STX8: variants seen among roughly 807,000 people sequenced by gnomAD.
STX8 encodes syntaxin-8.
STX8 carries 23 observed loss-of-function variants against 37.5 expected under a neutral mutation model. That is an observed-to-expected ratio of 0.61 (90% CI 0.44 to 0.87). The LOEUF (loss-of-function observed/expected upper bound fraction) is 0.87. STX8 is among the 40% of genes least tolerant of loss of function. The pLI is 0.00. For missense variants in STX8, 313 were observed against 284.7 expected (o/e 1.10, Z -0.71); for synonymous variants, 115 against 99.1 (o/e 1.16, Z -0.95).
chr17:9,527,068 A>ACTC (rs553265561), intron 4 of STX8, among the ~76,000 whole-genome samples: 216 of 146,106 alleles, frequency 1.5e-3, no homozygotes, highest in Admixed American at 2.7e-3. Flanking sequence ...AGTCCCAGCT[A>ACTC]CTCGGGAGGC....
At chr17:9,559,384 TCAA>T (rs1478430910) in intron 2 of STX8, among the ~76,000 whole-genome samples, 1 of 151,974 alleles carries the variant, frequency 6.6e-6, no homozygotes, top group Non-Finnish European at 1.5e-5. Flanking sequence ...CCATATACTA[TCAA>T]CAAGTAGAAA....
chr17:9,365,284 T>C (rs1375401397), intron 7 of STX8, among the ~76,000 whole-genome samples: 2 of 152,252 alleles, frequency 1.3e-5, no homozygotes, highest in Non-Finnish European at 2.9e-5. Flanking sequence ...CAGCTTGCAT[T>C]CCCACTTAGT....
chr17:9,311,231 C>T (rs1294463176), intron 7 of STX8, among the ~76,000 whole-genome samples: 7 of 139,714 alleles, frequency 5.0e-5, no homozygotes, highest in East Asian at 2.0e-4. Flanking sequence ...AGCAAGACTC[C>T]GTCTCAAAAA....
At chr17:9,278,941 G>C (rs2142149212) in intron 7 of STX8, among the ~76,000 whole-genome samples, 1 of 152,230 alleles carries the variant, frequency 6.6e-6, no homozygotes, top group South Asian at 2.1e-4. Flanking sequence ...CATTTACAGA[G>C]AGTCTATTGC....
intron 7 of STX8, among the ~76,000 whole-genome samples, chr17:9,347,889 T>C (rs1220963371): frequency 6.6e-6 from 1 of 152,238 alleles, no homozygotes; most frequent in African/African-American, 2.4e-5. Flanking sequence ...AATCATATAA[T>C]ATATAGCTTT....
intron 3 of STX8, among the ~76,000 whole-genome samples, chr17:9,549,807 G>A (rs1167552640): frequency 1.3e-5 from 2 of 152,198 alleles, no homozygotes; most frequent in African/African-American, 2.4e-5. Flanking sequence ...TTATTAGTAA[G>A]AGGTCAAAGG....
intron 6 of STX8, among the ~76,000 whole-genome samples, chr17:9,431,237 C>G (rs1597668047): frequency 1.3e-5 from 1 of 78,462 alleles, no homozygotes; most frequent in Non-Finnish European, 3.0e-5. Context: ...TTTTATTTTT[C>G]TGTTTTTTTT....
chr17:9,542,378 CAACAACAAAAAA>C (rs1906311641), intron 4 of STX8, among the ~76,000 whole-genome samples: 1 of 146,706 alleles, frequency 6.8e-6, no homozygotes, highest in East Asian at 2.1e-4. Context: ...CAAACAAAAA[CAACAACAAAAAA>C]ACAAGGGCCG....
intron 3 of STX8, among the ~76,000 whole-genome samples, chr17:9,556,630 T>C (rs1344288978): frequency 6.6e-6 from 1 of 151,216 alleles, no homozygotes; most frequent in Non-Finnish European, 1.5e-5. Flanking sequence ...TCAGTAGAGA[T>C]GGGGTTTCAC....
At chr17:9,476,956 C>T (rs1906132078) in intron 6 of STX8, among the ~76,000 whole-genome samples, 2 of 152,208 alleles carry the variant, frequency 1.3e-5, no homozygotes, top group Admixed American at 6.5e-5. Context: ...AGTGATCTTC[C>T]GACCTCAGCC....
At chr17:9,306,891 T>C (rs1369861257) in intron 7 of STX8, among the ~76,000 whole-genome samples, 2 of 151,768 alleles carry the variant, frequency 1.3e-5, no homozygotes, top group African/African-American at 4.8e-5. Flanking sequence ...TTTGGGAGGC[T>C]GAGGAGGGAG....
chr17:9,312,692 G>C (rs1263762333), intron 7 of STX8, among the ~76,000 whole-genome samples: 2 of 152,186 alleles, frequency 1.3e-5, no homozygotes, highest in East Asian at 3.8e-4. Context: ...TTGGGTTAAA[G>C]AGCAGGTCTG....
intron 7 of STX8, among the ~76,000 whole-genome samples, chr17:9,320,633 C>T (rs1042495915): frequency 1.3e-5 from 2 of 152,038 alleles, no homozygotes; most frequent in Non-Finnish European, 2.9e-5. Context: ...TGGCTCACAC[C>T]TGTAATCCCA....
At chr17:9,346,206 T>G (rs543622730) in intron 7 of STX8, among the ~76,000 whole-genome samples, 2 of 152,314 alleles carry the variant, frequency 1.3e-5, no homozygotes, top group East Asian at 3.9e-4. Flanking sequence ...AAGCAGATCC[T>G]ATACAGTAAC....
chr17:9,472,339 G>A (rs1270211219), intron 6 of STX8, among the ~76,000 whole-genome samples: 1 of 152,196 alleles, frequency 6.6e-6, no homozygotes, highest in African/African-American at 2.4e-5. Flanking sequence ...AGTACTGCTA[G>A]TATTCACTTG....
At chr17:9,253,289 G>A (rs550086352) in intron 7 of STX8, among the ~76,000 whole-genome samples, 1 of 151,868 alleles carries the variant, frequency 6.6e-6, no homozygotes, top group South Asian at 2.1e-4. Flanking sequence ...ATACGGGTGT[G>A]TGTGTGTATG....
At chr17:9,485,790 T>C (rs973966599) in intron 6 of STX8, among the ~76,000 whole-genome samples, 34 of 151,674 alleles carry the variant, frequency 2.2e-4, no homozygotes, top group African/African-American at 4.9e-5. Context: ...TTCACCATAT[T>C]GACCAGGCTG....
intron 7 of STX8, among the ~76,000 whole-genome samples, chr17:9,286,182 C>T (rs1466303742): frequency 6.6e-6 from 1 of 152,178 alleles, no homozygotes; most frequent in African/African-American, 2.4e-5. Context: ...CAAACCCCTG[C>T]CCACATGGCT....
chr17:9,335,852 C>T (rs1460125236), intron 7 of STX8, among the ~76,000 whole-genome samples: 2 of 152,024 alleles, frequency 1.3e-5, no homozygotes, highest in Non-Finnish European at 2.9e-5. Flanking sequence ...CACACACTCA[C>T]ACTCACGTAA....
Sources: gnomAD v4.1 joint callset for allele counts (sites outside exome capture counted in the v4.1 genomes callset) on GRCh38, gnomAD v4.1.1 for gene constraint, MANE v1.5 for transcripts, NCBI Gene and HGNC (gene_info 2026-07-23, HGNC 2026-07-21) for gene names.